The following DZIP3 variants were observed in gnomAD, a reference collection of about 807,000 sequenced individuals.
The protein encoded by DZIP3 is E3 ubiquitin-protein ligase DZIP3.
DZIP3 carries 118 observed loss-of-function variants against 162.0 expected under a neutral mutation model. That is an observed-to-expected ratio of 0.73 (90% CI 0.63 to 0.85). The LOEUF (loss-of-function observed/expected upper bound fraction) is 0.85. DZIP3 is among the 40% of genes least tolerant of loss of function. DZIP3 has a pLI of 0.00. For synonymous variants in DZIP3, 438 were observed against 458.6 expected (o/e 0.96, Z 0.57); for missense variants, 1,331 against 1,407.0 (o/e 0.95, Z 0.86).
intron 3 of DZIP3, 98 bp from the exon 4 acceptor site, chr3:108,611,076 G>A: frequency 8.4e-7 from 1 of 1,193,208 alleles, no homozygotes; most frequent in Non-Finnish European, 1.2e-6. Context: ...AAGGGAAAAT[G>A]AGCTTTGTTC....
At chr3:108,653,610 G>A (rs749028825) in intron 18 of DZIP3, among the ~76,000 whole-genome samples, 15 of 148,970 alleles carry the variant, frequency 1.0e-4, no homozygotes, top group South Asian at 2.1e-4. Context: ...TGTTGTTACT[G>A]TAGTTCTTTT....
chr3:108,657,730 G>T (rs1408855878), intron 19 of DZIP3, among the ~76,000 whole-genome samples: 1 of 152,148 alleles, frequency 6.6e-6, no homozygotes, highest in Non-Finnish European at 1.5e-5. Flanking sequence ...TCAGTGTGCT[G>T]TATTCAGGAA....
chr3:108,627,269 C>G (rs754913792), intron 7 of DZIP3, among the ~76,000 whole-genome samples: 1 of 152,188 alleles, frequency 6.6e-6, no homozygotes, highest in Non-Finnish European at 1.5e-5. Context: ...GGAGAGAATT[C>G]ATTTTCCAGA....
chr3:108,655,740 T>A (rs1259030066), intron 19 of DZIP3, among the ~76,000 whole-genome samples: 3 of 152,168 alleles, frequency 2.0e-5, no homozygotes, highest in African/African-American at 7.2e-5. Flanking sequence ...GGGAATTCCC[T>A]TTCCTAGCCA....
chr3:108,631,055 A>ACACACACACACACATACACACTCT, intron 8 of DZIP3, among the ~76,000 whole-genome samples: 6 of 18,014 alleles, frequency 3.3e-4, no homozygotes, highest in African/African-American at 1.7e-3. Context: ...ACACACACAC[A>ACACACACACACACATACACACTCT]CTCTCTCTCT....
chr3:108,625,923 T>C lies in DZIP3; in HGVS notation c.535T>C (p.Ser179Pro). Residue 179 changes from serine (S) to proline (P), a missense_variant, in exon 7 of 33, where the codon TCT becomes CCT. Ser to Pro is a moderately conservative substitution (Grantham distance 74). This residue lies in a region of DZIP3 where 1,278 missense variants were observed against 1,317.1 expected (regional missense o/e 0.97). Coordinates refer to ENST00000361582, the MANE Select transcript of DZIP3 (RefSeq NM_014648.4). ...AAATGAAATTTGTGAAAACTTTATG[T>C]CTTTAGTTTATTTTGGACGTGGTTT... is the stretch of plus-strand genomic sequence containing the variant. ...QENEICENFM[S>P]LVYFGRGLLR... 1 of 1,613,634 alleles carries C rather than the reference T, an allele frequency of 6.2e-7. No homozygotes were observed. Among genetic ancestry groups the C allele is most frequent in the South Asian group, 1.1e-5 (1 of 90,908 alleles).
At chr3:108,620,948 A>T (rs1941301188) in intron 5 of DZIP3, among the ~76,000 whole-genome samples, 1 of 152,128 alleles carries the variant, frequency 6.6e-6, no homozygotes. Flanking sequence ...CAGCCTCCCG[A>T]GTAGCTGGGA....
chr3:108,633,682 ATC>A (rs779986597), intron 9 of DZIP3, among the ~76,000 whole-genome samples: 1 of 145,376 alleles, frequency 6.9e-6, no homozygotes. Context: ...CTTCTGATAG[ATC>A]TCTCTCTCTG....
At chr3:108,681,872 T>C (rs2107400590) in intron 26 of DZIP3, among the ~76,000 whole-genome samples, 1 of 144,358 alleles carries the variant, frequency 6.9e-6, no homozygotes, top group East Asian at 2.0e-4. Context: ...TAAGTGGGAG[T>C]TGAACAATGA....
Position 108,644,537 on chromosome 3 carries a change from GT to G in DZIP3, c.1516del (p.Cys506AlafsTer12). ...CTAAATCTGCAGACATCCTGAGACT[GT>G]GCAAATACAGGGATATCCTCCTTAG... ...ISKSADILRL[C>X]KYRDILLSEI... On this transcript the variant is annotated frameshift_variant, in exon 14 of 33. Transcript: ENST00000361582. LOFTEE classifies it high-confidence loss of function. The G allele has an allele frequency of 1.2e-6, 2 of 1,614,100 alleles. No individual in the cohort carries two copies. Among genetic ancestry groups the G allele is most frequent in the East Asian group, 2.2e-5 (1 of 44,870 alleles).
chr3:108,636,558 C>G, intron 10 of DZIP3, 58 bp from the exon 11 acceptor site: 3 of 1,093,822 alleles, frequency 2.7e-6, no homozygotes, highest in Middle Eastern at 2.9e-4. Context: ...TAAATATAAT[C>G]AGATTTGCAC....
At chr3:108,599,905 T>C (rs1250461679) in intron 1 of DZIP3, among the ~76,000 whole-genome samples, 1 of 152,178 alleles carries the variant, frequency 6.6e-6, no homozygotes, top group East Asian at 1.9e-4. Flanking sequence ...TAAATTTCTG[T>C]TGTTTCTATA....
At chr3:108,601,539 A>G (rs1302567257) in intron 1 of DZIP3, among the ~76,000 whole-genome samples, 2 of 152,196 alleles carry the variant, frequency 1.3e-5, no homozygotes, top group African/African-American at 4.8e-5. Context: ...ATTGTTTTCC[A>G]CACCGATACT....
At chr3:108,646,111 A>G (rs1942610191) in intron 14 of DZIP3, among the ~76,000 whole-genome samples, 2 of 152,220 alleles carry the variant, frequency 1.3e-5, no homozygotes, top group Non-Finnish European at 2.9e-5. Flanking sequence ...ATTAACATCC[A>G]TCATCCCACT....
intron 32 of DZIP3, among the ~76,000 whole-genome samples, chr3:108,692,219 A>AT (rs888884492): frequency 6.7e-6 from 1 of 149,754 alleles, no homozygotes; most frequent in Non-Finnish European, 1.5e-5. Context: ...AAATATATAT[A>AT]TTTTTTTTCT....
intron 8 of DZIP3, among the ~76,000 whole-genome samples, chr3:108,631,055 A>ACACACACACACACACATACTCTCTCTCT: frequency 5.6e-5 from 1 of 18,004 alleles, no homozygotes; most frequent in Non-Finnish European, 9.0e-5. Flanking sequence ...ACACACACAC[A>ACACACACACACACACATACTCTCTCTCT]CTCTCTCTCT....
intron 21 of DZIP3, among the ~76,000 whole-genome samples, chr3:108,668,665 G>A (rs1943785511): frequency 6.6e-6 from 1 of 151,882 alleles, no homozygotes; most frequent in Non-Finnish European, 1.5e-5. Context: ...TTGAGAACAT[G>A]ACCTCTTTTG....
intron 1 of DZIP3, among the ~76,000 whole-genome samples, chr3:108,591,237 CGAG>C (rs1298937699): frequency 6.6e-6 from 1 of 152,030 alleles, no homozygotes; most frequent in Admixed American, 6.5e-5. Context: ...GTAGAAAGAA[CGAG>C]GAGGAGAGGA....
In DZIP3 at chr3:108,654,135, AC is replaced by A; in HGVS notation, c.2034-9del. On this transcript the variant is annotated splice_polypyrimidine_tract_variant and intron_variant, in intron 18 of 32. Coordinates refer to ENST00000361582, the MANE Select transcript of DZIP3 (RefSeq NM_014648.4). The stretch of plus-strand genomic sequence containing the variant: ...TGTAAAAGCTCACATTGATTATGTC[AC>A]GACTACAGCCCATATGTGGTAGAAA... 6.2e-7 allele frequency: 1 copy of A among 1,611,882 alleles called. No homozygotes were observed. Among genetic ancestry groups the A allele is most frequent in the Non-Finnish European group, 8.5e-7 (1 of 1,178,998 alleles).
Sources: gnomAD v4.1 joint callset for allele counts (sites outside exome capture counted in the v4.1 genomes callset) on GRCh38, gnomAD v4.1.1 for gene constraint, gnomAD v4.1.1 regional missense constraint, MANE v1.5 for transcripts, NCBI Gene and HGNC (gene_info 2026-07-23, HGNC 2026-07-21) for gene names.